The following PKIB variants were observed in gnomAD, a reference collection of about 807,000 sequenced individuals.
PKIB encodes cAMP-dependent protein kinase inhibitor beta.
Under a neutral mutation model 4.5 loss-of-function variants are expected in PKIB, and 2 were observed. That is an observed-to-expected ratio of 0.44 (90% CI 0.18 to 1.39). PKIB has a LOEUF of 1.39. PKIB is among the 40% of genes most tolerant of loss of function. The pLI is 0.27. For missense variants in PKIB, 94 were observed against 92.6 expected, an observed-to-expected ratio of 1.02 and a Z score of -0.06; for synonymous variants, 38 against 36.0, an observed-to-expected ratio of 1.06 and a Z score of -0.20.
intron 2 of PKIB, among the ~76,000 whole-genome samples, chr6:122,647,449 G>A (rs1054752167): frequency 4.6e-5 from 7 of 152,174 alleles, no homozygotes; most frequent in Admixed American, 2.0e-4. Context: ...TTAGACTCAT[G>A]CACATTTCCT....
rs573607948 is a variant in PKIB, at chr6:122,509,424, A to G, written c.-248+31485A>G. ...AACAATTTGTATATGAGCCTGTCCAATTAAAATTGTCTTTTTTTTTTTTTA... is the reference window on the plus strand; with the variant it reads ...AACAATTTGTATATGAGCCTGTCCAGTTAAAATTGTCTTTTTTTTTTTTTA... On this transcript the variant is annotated intron_variant, in intron 2 of 6. Transcript: ENST00000392491. Among the ~76,000 whole-genome samples the G allele has an allele frequency of 2.7e-5, 4 of 150,908 alleles. No homozygotes were observed. In the East Asian group the frequency reaches 5.9e-4, roughly 22 times the overall value.
intron 2 of PKIB, among the ~76,000 whole-genome samples, chr6:122,499,535 A>C (rs1335158718): frequency 6.6e-6 from 1 of 152,196 alleles, no homozygotes; most frequent in Non-Finnish European, 1.5e-5. Flanking sequence ...AACACTCAAC[A>C]AACTAGTCAT....
intron 2 of PKIB, among the ~76,000 whole-genome samples, chr6:122,639,278 G>A (rs1036380792): frequency 6.6e-6 from 1 of 152,062 alleles, no homozygotes; most frequent in Non-Finnish European, 1.5e-5. Flanking sequence ...AACAAACAAA[G>A]GAGCAGAACA....
At chr6:122,562,483 C>T (rs746000501) in intron 2 of PKIB, among the ~76,000 whole-genome samples, 25 of 152,004 alleles carry the variant, frequency 1.6e-4, no homozygotes, top group Non-Finnish European at 8.8e-5. Flanking sequence ...TTGTGCTTTT[C>T]GTATTTGGAT....
chr6:122,692,371 A>AT (rs1297570675), intron 3 of PKIB, among the ~76,000 whole-genome samples: 1 of 152,128 alleles, frequency 6.6e-6, no homozygotes, highest in African/African-American at 2.4e-5. Context: ...CTGTTGCTCT[A>AT]TTCTACTACA....
chr6:122,620,328 T>C (rs948232969), intron 1 of PKIB, among the ~76,000 whole-genome samples: 17 of 152,178 alleles, frequency 1.1e-4, no homozygotes, highest in African/African-American at 3.9e-4. Context: ...CATGTGGTCG[T>C]GTGTGTTTTT....
chr6:122,637,438 G>T (rs886105481), intron 2 of PKIB, among the ~76,000 whole-genome samples: 1 of 152,084 alleles, frequency 6.6e-6, no homozygotes, highest in South Asian at 2.1e-4. Flanking sequence ...TTTGTGTGAA[G>T]AATACATAAT....
chr6:122,585,741 C>T (rs1392443600), intron 2 of PKIB, among the ~76,000 whole-genome samples: 1 of 152,076 alleles, frequency 6.6e-6, no homozygotes, highest in African/African-American at 2.4e-5. Context: ...TGCCACTATC[C>T]TGCTTCCTCC....
chr6:122,684,912 T>G (rs1778039040), intron 3 of PKIB, among the ~76,000 whole-genome samples: 1 of 152,186 alleles, frequency 6.6e-6, no homozygotes, highest in Non-Finnish European at 1.5e-5. Context: ...TATGCTTTGG[T>G]CAAGGTCAGA....
chr6:122,648,265 A>C (rs73768336), intron 2 of PKIB, among the ~76,000 whole-genome samples: 86 of 152,316 alleles, frequency 5.6e-4, no homozygotes, highest in African/African-American at 1.8e-3. Context: ...CATGAAGCAA[A>C]ATTTCTCTGG....
chr6:122,698,696 C>T (rs1778678302), intron 3 of PKIB, among the ~76,000 whole-genome samples: 1 of 152,184 alleles, frequency 6.6e-6, no homozygotes, highest in African/African-American at 2.4e-5. Context: ...ACAGCTTCTA[C>T]AGCCTTTTGT....
intron 2 of PKIB, among the ~76,000 whole-genome samples, chr6:122,512,788 A>G (rs1229594011): frequency 6.6e-6 from 1 of 152,222 alleles, no homozygotes; most frequent in Non-Finnish European, 1.5e-5. Context: ...TATGTGTTTA[A>G]AGGAAAATTA....
At chr6:122,602,786 CAAACAAAAA>C (rs571427999) in intron 3 of PKIB, among the ~76,000 whole-genome samples, 3 of 151,312 alleles carry the variant, frequency 2.0e-5, no homozygotes, top group African/African-American at 7.3e-5. Flanking sequence ...AACAAATGAA[CAAACAAAAA>C]AAACAAAAAA....
intron 2 of PKIB, among the ~76,000 whole-genome samples, chr6:122,488,267 TCTC>T (rs1315086213): frequency 2.0e-5 from 3 of 151,962 alleles, no homozygotes; most frequent in Non-Finnish European, 4.4e-5. Context: ...AACACACACA[TCTC>T]CTTATAGATT....
intron 3 of PKIB, among the ~76,000 whole-genome samples, chr6:122,589,389 G>A (rs758455529): frequency 6.6e-6 from 1 of 152,054 alleles, no homozygotes; most frequent in Non-Finnish European, 1.5e-5. Context: ...AATATATCTA[G>A]ATCCATGTGA....
chr6:122,718,832 T>C (rs1446504147), intron 4 of PKIB, among the ~76,000 whole-genome samples: 2 of 152,150 alleles, frequency 1.3e-5, no homozygotes, highest in Non-Finnish European at 2.9e-5. Flanking sequence ...GTTCATTCTC[T>C]ATGAAATAGT....
intron 2 of PKIB, among the ~76,000 whole-genome samples, chr6:122,506,546 A>G (rs1776403128): frequency 6.6e-6 from 1 of 152,050 alleles, no homozygotes; most frequent in Non-Finnish European, 1.5e-5. Flanking sequence ...AAGTAGTGTC[A>G]TCTTTTTGAT....
chr6:122,650,405 C>T (rs2114876344), intron 2 of PKIB, among the ~76,000 whole-genome samples: 1 of 152,260 alleles, frequency 6.6e-6, no homozygotes, highest in South Asian at 2.1e-4. Context: ...TACTTGGCCT[C>T]ACTCCATAGT....
intron 2 of PKIB, among the ~76,000 whole-genome samples, chr6:122,577,647 T>C (rs778160702): frequency 7.2e-5 from 11 of 152,260 alleles, no homozygotes; most frequent in African/African-American, 9.6e-5. Context: ...CTGTGGCTCA[T>C]GCCTGTAATC....
Sources: allele counts gnomAD v4.1 joint callset (sites outside exome capture counted in the v4.1 genomes callset), GRCh38; gene constraint gnomAD v4.1.1; transcripts MANE v1.5; gene names NCBI Gene and HGNC (gene_info 2026-07-23, HGNC 2026-07-21).